Variants in NUMB observed in about 807,000 individuals in gnomAD.
The protein encoded by NUMB is protein numb homolog.
In NUMB, 29 loss-of-function variants were observed where a neutral mutation model predicts 59.7. The observed-to-expected ratio is 0.49, with a 90% confidence interval of 0.36 to 0.66. The LOEUF is 0.66. Among genes scored for constraint, NUMB ranks in the 30% least tolerant of loss-of-function variants. NUMB has a pLI of 0.00. For synonymous variants in NUMB, 288 were observed against 288.2 expected (o/e 1.00, Z 0.01); for missense variants, 723 against 822.0 (o/e 0.88, Z 1.47).
rs754856333 is a variant in NUMB, at chr14:73,277,280, AC to A, written c.1253del (p.Gly418ValfsTer27). On this transcript the variant is annotated frameshift_variant, in exon 13 of 13. Coordinates refer to ENST00000555238, the MANE Select transcript of NUMB (RefSeq NM_001005743.2). LOFTEE classifies it high-confidence loss of function. ...IAATCSGTEW[G>X]QSSGAASPGL... ...CTGGAGAGGCAGCACCAGAAGATTGACCCCACTCGGTCCCTGGAACCAACAA... is the reference window on the plus strand; with the variant it reads ...CTGGAGAGGCAGCACCAGAAGATTGACCCACTCGGTCCCTGGAACCAACAA... The A allele has an allele frequency of 6.3e-7, 1 of 1,598,478 alleles. No homozygotes were observed. Among genetic ancestry groups the A allele is most frequent in the Non-Finnish European group, 8.6e-7 (1 of 1,167,802 alleles).
chr14:73,384,307 T>G (rs908054208), intron 2 of NUMB, among the ~76,000 whole-genome samples: 3 of 152,034 alleles, frequency 2.0e-5, no homozygotes, highest in Non-Finnish European at 4.4e-5. Context: ...GCCAGGATGG[T>G]CTCGATCTCC....
At chr14:73,405,963 T>C (rs971271741) in intron 2 of NUMB, among the ~76,000 whole-genome samples, 1 of 152,000 alleles carries the variant, frequency 6.6e-6, no homozygotes, top group African/African-American at 2.4e-5. Flanking sequence ...GACCAATGGG[T>C]GGAACACTTG....
chr14:73,342,112 GT>G (rs1370270926), intron 4 of NUMB, among the ~76,000 whole-genome samples: 1 of 152,174 alleles, frequency 6.6e-6, no homozygotes, highest in African/African-American at 2.4e-5. Flanking sequence ...TTGCAGGCTG[GT>G]CTCAAACCCC....
At chr14:73,449,115 T>C (rs1474681084) in intron 1 of NUMB, among the ~76,000 whole-genome samples, 1 of 152,208 alleles carries the variant, frequency 6.6e-6, no homozygotes, top group African/African-American at 2.4e-5. Context: ...GGTGTAAAAG[T>C]AATTGTGTTT....
intron 1 of NUMB, among the ~76,000 whole-genome samples, chr14:73,439,773 G>C (rs956255615): frequency 4.6e-5 from 7 of 152,138 alleles, no homozygotes; most frequent in African/African-American, 1.7e-4. Context: ...AGAAAGGAGA[G>C]AGAAAGAGAA....
chr14:73,313,492 TA>T (rs1334141889), intron 6 of NUMB, among the ~76,000 whole-genome samples: 5 of 150,528 alleles, frequency 3.3e-5, no homozygotes, highest in Admixed American at 1.3e-4. Flanking sequence ...ATTATTTAAT[TA>T]TACAATAATT....
chr14:73,382,505 A>G (rs751548512), intron 2 of NUMB, among the ~76,000 whole-genome samples: 6 of 151,950 alleles, frequency 3.9e-5, no homozygotes, highest in Non-Finnish European at 5.9e-5. Flanking sequence ...TTAAGAGTCC[A>G]GGGCCTGACA....
At position 73,319,707 on chromosome 14, in the gene NUMB, G is replaced by T. The variant is rs140622259; in HGVS notation, c.202-3285C>A. 2.7e-3 allele frequency among the ~76,000 whole-genome samples: 405 copies of T among 152,294 alleles called. 4 individuals are homozygous for T. The highest frequency in any genetic ancestry group is 9.3e-3 in the African/African-American group (385 of 41,562). On this transcript the variant is annotated intron_variant, in intron 5 of 12. Transcript: ENST00000555238. ...AATCAAAAGGCAACGAGAAATTTCT[G>T]CATAGTAAAAATATGAAAAGAAGAC... is the stretch of plus-strand genomic sequence containing the variant.
At chr14:73,457,554 T>C (rs1444703891) in intron 1 of NUMB, 1 of 152,106 alleles carries the variant, frequency 6.6e-6, no homozygotes, top group African/African-American at 2.4e-5. Context: ...CTCTCCCACC[T>C]CCGCCCATCT....
intron 2 of NUMB, among the ~76,000 whole-genome samples, chr14:73,385,032 T>C (rs943951385): frequency 3.3e-5 from 5 of 152,110 alleles, no homozygotes; most frequent in Admixed American, 3.3e-4. Flanking sequence ...TAGCTGGGAT[T>C]ACAGGCATGA....
chr14:73,456,176 C>G (rs1884357143), intron 1 of NUMB, among the ~76,000 whole-genome samples: 1 of 150,686 alleles, frequency 6.6e-6, no homozygotes, highest in South Asian at 2.1e-4. Context: ...ATGGCATGAT[C>G]TCGGCTCACT....
At chr14:73,288,775 C>T (rs1889188179) in intron 8 of NUMB, among the ~76,000 whole-genome samples, 2 of 152,008 alleles carry the variant, frequency 1.3e-5, no homozygotes, top group South Asian at 4.2e-4. Flanking sequence ...AGGAGAATCA[C>T]TTGAACCCAG....
At chr14:73,443,240 T>C (rs1253400512) in intron 1 of NUMB, among the ~76,000 whole-genome samples, 1 of 152,172 alleles carries the variant, frequency 6.6e-6, no homozygotes, top group Non-Finnish European at 1.5e-5. Context: ...AAAATGCACA[T>C]GCCATGGTGG....
chr14:73,293,412 TGG>T (rs1889538937), intron 7 of NUMB, among the ~76,000 whole-genome samples: 1 of 94,646 alleles, frequency 1.1e-5, no homozygotes, highest in African/African-American at 4.9e-5. Context: ...TTTTTTTTTT[TGG>T]ACAGTCTCAC....
intron 6 of NUMB, among the ~76,000 whole-genome samples, chr14:73,314,444 C>A (rs1594895494): frequency 6.6e-6 from 1 of 150,460 alleles, no homozygotes; most frequent in African/African-American, 2.4e-5. Flanking sequence ...CATCATGTAG[C>A]AAAAAAAAAT....
At chr14:73,342,886 C>T (rs1892710031) in intron 4 of NUMB, among the ~76,000 whole-genome samples, 1 of 152,132 alleles carries the variant, frequency 6.6e-6, no homozygotes, top group Non-Finnish European at 1.5e-5. Flanking sequence ...ACTCTCTCAC[C>T]CAGTCAGGAG....
Position 73,282,468 on chromosome 14 carries a change from G to A in NUMB, c.987C>T (p.Ser329=), listed in dbSNP as rs1373447499. ...AGGCATTGGTGATCTGTGAGCACAG[G>A]GAGCTGATGCTCTCTGCCTCCCCTT... ...EVEGEAESIS[S]LCSQITNAFS... Residue 329 remains serine, a synonymous_variant, in exon 11 of 13, where the codon TCC becomes TCT. Transcript: ENST00000555238. 12 of 1,613,988 alleles carry A rather than the reference G, an allele frequency of 7.4e-6. No homozygotes were observed. Among genetic ancestry groups the A allele is most frequent in the Non-Finnish European group, 1.0e-5 (12 of 1,180,014 alleles).
At chr14:73,333,973 T>C (rs1179647519) in intron 4 of NUMB, among the ~76,000 whole-genome samples, 2 of 152,100 alleles carry the variant, frequency 1.3e-5, no homozygotes, top group Non-Finnish European at 2.9e-5. Context: ...CAGGCAATTC[T>C]CCTGCCTCAG....
At position 73,411,919 on chromosome 14, in the gene NUMB, C is replaced by CTTT. The variant is rs935625343; in HGVS notation, c.-232-1854_-232-1852dup. Among the ~76,000 whole-genome samples, 318 of 106,772 alleles carry CTTT rather than the reference C, an allele frequency of 3.0e-3. 3 individuals are homozygous for CTTT. The highest frequency in any genetic ancestry group is 0.016 in the East Asian group (50 of 3,198). 70.0% of individuals were successfully genotyped at this position (106,772 alleles called of 152,430 possible). On this transcript the variant is annotated intron_variant, in intron 1 of 12. Transcript: ENST00000555238. ...GAATAAGAAGACAAGCAGCAATTAACTTTTTTTTTTTTTTTTTTTTTTTGA... is the reference window on the plus strand; with the variant it reads ...GAATAAGAAGACAAGCAGCAATTAACTTTTTTTTTTTTTTTTTTTTTTTTTTGA...
Sources: gnomAD v4.1 joint callset for allele counts (sites outside exome capture counted in the v4.1 genomes callset) on GRCh38, gnomAD v4.1.1 for gene constraint, MANE v1.5 for transcripts, NCBI Gene and HGNC (gene_info 2026-07-23, HGNC 2026-07-21) for gene names.